Variants in PHF14 observed in about 807,000 individuals in gnomAD.
The protein encoded by PHF14 is PHD finger protein 14.
In PHF14, 55 loss-of-function variants were observed where a neutral mutation model predicts 117.9. That is an observed-to-expected ratio of 0.47 (90% CI 0.38 to 0.58). The LOEUF (loss-of-function observed/expected upper bound fraction) is 0.58, where lower values mean the gene tolerates loss of function less well. PHF14 is among the 20% of genes least tolerant of loss of function. The probability of loss-of-function intolerance (pLI) is 0.00; values close to 1 mark genes in which losing one functional copy is unlikely to be tolerated. For missense variants in PHF14, 978 were observed against 1,122.2 expected, an observed-to-expected ratio of 0.87 and a Z score of 1.84; for synonymous variants, 409 against 368.6, an observed-to-expected ratio of 1.11 and a Z score of -1.26.
At chr7:11,165,144 C>T (rs1199811748) in intron 17 of PHF14, among the ~76,000 whole-genome samples, 2 of 152,150 alleles carry the variant, frequency 1.3e-5, no homozygotes, top group African/African-American at 4.8e-5. Context: ...AGGATAGTCT[C>T]GGTCTCTTGA....
At chr7:11,005,787 CTTTTTTTTTTT>C (rs951270672) in intron 4 of PHF14, among the ~76,000 whole-genome samples, 67 of 84,476 alleles carry the variant, frequency 7.9e-4, no homozygotes, top group African/African-American at 3.0e-3. Context: ...AGTAAAAATT[CTTTTTTTTTTT>C]TTTTTTTTTT....
At chr7:11,150,626 T>A (rs1245147942) in intron 17 of PHF14, among the ~76,000 whole-genome samples, 1 of 152,228 alleles carries the variant, frequency 6.6e-6, no homozygotes, top group East Asian at 1.9e-4. Flanking sequence ...TAGAGATTTA[T>A]TTGTATATTA....
At chr7:11,128,052 C>G (rs963864214) in intron 17 of PHF14, among the ~76,000 whole-genome samples, 1 of 152,086 alleles carries the variant, frequency 6.6e-6, no homozygotes, top group African/African-American at 2.4e-5. Flanking sequence ...TTAGAGTCCT[C>G]CATTGTAACT....
intron 17 of PHF14, among the ~76,000 whole-genome samples, chr7:11,114,807 C>G (rs75556694): frequency 1.3e-5 from 2 of 152,056 alleles, no homozygotes; most frequent in African/African-American, 4.8e-5. Flanking sequence ...CATACCTTCT[C>G]GCATAGGCTA....
At chr7:11,128,570 A>T (rs1788000437) in intron 17 of PHF14, among the ~76,000 whole-genome samples, 1 of 151,954 alleles carries the variant, frequency 6.6e-6, no homozygotes, top group Non-Finnish European at 1.5e-5. Flanking sequence ...AAAATCCAAG[A>T]AAAAAGTAAG....
In PHF14 at chr7:11,036,649, C is replaced by A; in HGVS notation, c.1834C>A (p.Gln612Lys). The change falls in exon 9 of 18, where the codon CAA becomes AAA. Residue 612 changes from glutamine to lysine, a missense_variant. Transcript: ENST00000634607. The part of the protein sequence containing the change: ...SSVDGRRKHK[Q>K]PALTADFVNY... Reference sequence around the variant, plus strand: ...TGTGGATGGAAGGAGAAAACATAAGCAACCAGCTCTCACTGCAGATTTTGT... The same window carrying A: ...TGTGGATGGAAGGAGAAAACATAAGAAACCAGCTCTCACTGCAGATTTTGT... 1 of 1,613,782 alleles carries A rather than the reference C, an allele frequency of 6.2e-7. No individual in the cohort carries two copies. The highest frequency in any genetic ancestry group is 8.5e-7 in the Non-Finnish European group (1 of 1,179,740).
chr7:11,018,999 A>G (rs1783630375), intron 5 of PHF14, among the ~76,000 whole-genome samples: 1 of 152,168 alleles, frequency 6.6e-6, no homozygotes, highest in South Asian at 2.1e-4. Context: ...AAATGATCAT[A>G]TGGTTTTTAT....
At chr7:11,042,915 A>G (rs1319245765) in intron 13 of PHF14, 101 bp downstream of exon 13, 28 of 811,362 alleles carry the variant, frequency 3.5e-5, no homozygotes, top group Non-Finnish European at 4.3e-5. Context: ...AGTATTTGGC[A>G]CATTTTAAAA....
chr7:11,140,935 A>G (rs1788381596), intron 17 of PHF14, among the ~76,000 whole-genome samples: 1 of 152,106 alleles, frequency 6.6e-6, no homozygotes, highest in Non-Finnish European at 1.5e-5. Flanking sequence ...CCTGTTTGTT[A>G]CATTTATTAT....
chr7:11,036,859 T>C (rs1278583782), intron 9 of PHF14, 126 bp from the exon 10 acceptor site: 2 of 931,460 alleles, frequency 2.1e-6, no homozygotes, highest in African/African-American at 1.7e-5. Flanking sequence ...GGTTCATTTA[T>C]TTGTAAATAT....
chr7:11,046,046 A>G (rs868455024), intron 13 of PHF14, among the ~76,000 whole-genome samples: 34 of 152,306 alleles, frequency 2.2e-4, no homozygotes, highest in African/African-American at 7.5e-4. Context: ...AATATTATTA[A>G]TAGGTGGGTG....
intron 7 of PHF14, among the ~76,000 whole-genome samples, chr7:11,034,858 A>G (rs1175538819): frequency 1.3e-5 from 2 of 151,848 alleles, no homozygotes; most frequent in African/African-American, 2.4e-5. Context: ...CCTTAATTCT[A>G]TTTTTATCCT....
intron 14 of PHF14, among the ~76,000 whole-genome samples, chr7:11,055,475 C>A (rs1784986434): frequency 6.6e-6 from 1 of 152,128 alleles, no homozygotes; most frequent in Non-Finnish European, 1.5e-5. Context: ...TCCTGACTTA[C>A]AAATTCTGGT....
intron 17 of PHF14, among the ~76,000 whole-genome samples, chr7:11,134,781 G>A (rs1306545130): frequency 6.6e-6 from 1 of 152,020 alleles, no homozygotes; most frequent in African/African-American, 2.4e-5. Flanking sequence ...GTTTAGTGCT[G>A]AAAAGTAATA....
At chr7:10,978,109 A>G (rs1781929344) in intron 2 of PHF14, among the ~76,000 whole-genome samples, 3 of 152,174 alleles carry the variant, frequency 2.0e-5, no homozygotes, top group Admixed American at 2.0e-4. Context: ...GCCAGGAAAT[A>G]ATTTAATGAG....
chr7:10,990,822 C>A lies in PHF14; in HGVS notation c.1020C>A (p.Asp340Glu). 1 of 1,590,236 alleles carries A rather than the reference C, an allele frequency of 6.3e-7. No individual in the cohort carries two copies. Among genetic ancestry groups the A allele is most frequent in the Non-Finnish European group, 8.6e-7 (1 of 1,166,568 alleles). The change falls in exon 4 of 18, where the codon GAC becomes GAA. Residue 340 changes from aspartate (D) to glutamate (E), a missense_variant. Physicochemically the swap from Asp to Glu is conservative, Grantham distance 45. Transcript: ENST00000634607. ...SEDADEIIQC[D>E]NCGITVHEGC... ...ACGCTGATGAAATAATTCAGTGTGA[C>A]AATTGTGGCATTACAGTCCATGAAG...
intron 4 of PHF14, among the ~76,000 whole-genome samples, chr7:10,996,664 C>T (rs1038972161): frequency 6.6e-6 from 1 of 151,830 alleles, no homozygotes; most frequent in Non-Finnish European, 1.5e-5. Context: ...TACACAGAAG[C>T]AAGGGGAAAG....
chr7:11,005,424 A>T (rs905583356), intron 4 of PHF14, among the ~76,000 whole-genome samples: 2 of 152,178 alleles, frequency 1.3e-5, no homozygotes, highest in Admixed American at 6.5e-5. Flanking sequence ...ACATTGTCCA[A>T]GTTTGACCAG....
At chr7:11,032,588 G>T (rs764959625) in intron 7 of PHF14, among the ~76,000 whole-genome samples, 1 of 151,994 alleles carries the variant, frequency 6.6e-6, no homozygotes. Flanking sequence ...GATTTTGTTT[G>T]TTAGGAGTAG....
Sources: allele counts gnomAD v4.1 joint callset (sites outside exome capture counted in the v4.1 genomes callset), GRCh38; gene constraint gnomAD v4.1.1; transcripts MANE v1.5; gene names NCBI Gene and HGNC (gene_info 2026-07-23, HGNC 2026-07-21).